The following LRMDA variants were observed in gnomAD, a reference collection of about 807,000 sequenced individuals.
The protein encoded by LRMDA is leucine-rich melanocyte differentiation-associated protein.
LRMDA carries 18 observed loss-of-function variants against 29.8 expected under a neutral mutation model. The ratio of observed to expected loss-of-function variants is 0.60; its 90% CI spans 0.42 to 0.90. The LOEUF is 0.90. Among genes scored for constraint, LRMDA ranks in the 40% least tolerant of loss-of-function variants. LRMDA has a pLI of 0.00. For synonymous variants in LRMDA, 125 were observed against 109.4 expected, an observed-to-expected ratio of 1.14 and a Z score of -0.89; for missense variants, 273 against 273.9, an observed-to-expected ratio of 1.00 and a Z score of 0.02.
intron 5 of LRMDA, among the ~76,000 whole-genome samples, chr10:76,209,821 G>A (rs1851604291): frequency 6.6e-6 from 1 of 152,156 alleles, no homozygotes; most frequent in African/African-American, 2.4e-5. Flanking sequence ...AGCACATGGG[G>A]ACACTATCCA....
chr10:76,299,315 C>T (rs1227386159), intron 5 of LRMDA, among the ~76,000 whole-genome samples: 2 of 152,270 alleles, frequency 1.3e-5, no homozygotes, highest in Admixed American at 6.5e-5. Flanking sequence ...CTTGGACTTC[C>T]AGAGGCTCTG....
At chr10:76,318,909 G>GT (rs575646440) in intron 5 of LRMDA, 1,516 of 149,544 alleles carry the variant, frequency 0.01, 15 homozygotes, top group Admixed American at 0.025. Context: ...ATGGTATGTA[G>GT]TTTTTTTTTT....
At chr10:76,191,345 G>A (rs7098505) in intron 5 of LRMDA, among the ~76,000 whole-genome samples, 9,698 of 152,110 alleles carry the variant, frequency 0.064, 962 homozygotes, top group African/African-American at 0.21. Flanking sequence ...TTCCTCTATA[G>A]CCCTGAGCTG....
chr10:75,756,108 G>T (rs1843029012), intron 2 of LRMDA, among the ~76,000 whole-genome samples: 1 of 152,132 alleles, frequency 6.6e-6, no homozygotes, highest in African/African-American at 2.4e-5. Context: ...ACTGATTTTT[G>T]TGCTGGGGCA....
At position 76,500,454 on chromosome 10, in the gene LRMDA, G is replaced by A. The variant is rs138276398; in HGVS notation, c.602-56755G>A. 9.8e-3 allele frequency among the ~76,000 whole-genome samples: 745 copies of A among 75,888 alleles called. 237 individuals are homozygous for A. In the South Asian group the frequency reaches 0.13, roughly 13 times the overall value. The allele number at this position is 75,888 out of a possible 152,430, so 49.8% of individuals were successfully genotyped here. A position where few individuals can be genotyped will look rare whatever the true frequency, so the allele number is the denominator to read the frequency against. The stretch of plus-strand genomic sequence containing the variant: ...TGTGGTTAATACATACTGCCCTCCA[G>A]CATATCTGTGATATTAAACATTTAG... On this transcript the variant is annotated intron_variant, in intron 6 of 6. Transcript: ENST00000611255.
chr10:76,289,632 G>A (rs1437573273), intron 5 of LRMDA, among the ~76,000 whole-genome samples: 1 of 152,130 alleles, frequency 6.6e-6, no homozygotes, highest in Non-Finnish European at 1.5e-5. Flanking sequence ...GCATTTTCAG[G>A]AATACATTTA....
intron 6 of LRMDA, among the ~76,000 whole-genome samples, chr10:76,542,013 A>G (rs893937567): frequency 6.6e-6 from 1 of 151,572 alleles, no homozygotes; most frequent in Non-Finnish European, 1.5e-5. Context: ...TCCTGCATGC[A>G]TGTGTGTGCA....
chr10:76,121,729 G>C (rs1360619970), intron 5 of LRMDA, among the ~76,000 whole-genome samples: 1 of 152,188 alleles, frequency 6.6e-6, no homozygotes. Context: ...CCTCCATGTG[G>C]AGTCAACATC....
At chr10:75,757,114 GGGAATT>G (rs1843041411) in intron 2 of LRMDA, among the ~76,000 whole-genome samples, 1 of 152,152 alleles carries the variant, frequency 6.6e-6, no homozygotes, top group Admixed American at 6.5e-5. Flanking sequence ...AGCCACAATG[GGGAATT>G]GGTTTCAAAG....
chr10:75,998,562 G>T (rs1268994259), intron 2 of LRMDA, among the ~76,000 whole-genome samples: 2 of 152,214 alleles, frequency 1.3e-5, no homozygotes, highest in African/African-American at 4.8e-5. Flanking sequence ...ATGTACTGTT[G>T]TAAGAACTTT....
Position 75,579,101 on chromosome 10 carries a change from A to G in LRMDA, c.131+140607A>G, listed in dbSNP as rs567342798. ...AGAACTGAAGGAGATAGAGACACGA[A>G]AAACCCTTCAAAAAAATCAATGAAT... is the stretch of plus-strand genomic sequence containing the variant. On this transcript the variant is annotated intron_variant, in intron 2 of 6. Transcript: ENST00000611255. 5.9e-5 allele frequency among the ~76,000 whole-genome samples: 9 copies of G among 152,324 alleles called. No individual in the cohort carries two copies. In the East Asian group the frequency reaches 1.7e-3, roughly 29 times the overall value.
chr10:75,964,525 G>A (rs1846822990), intron 2 of LRMDA, among the ~76,000 whole-genome samples: 1 of 152,182 alleles, frequency 6.6e-6, no homozygotes, highest in African/African-American at 2.4e-5. Flanking sequence ...TTTAAAATCT[G>A]TTCTTAGACT....
At chr10:76,080,862 C>T (rs781723547) in intron 5 of LRMDA, among the ~76,000 whole-genome samples, 13 of 152,258 alleles carry the variant, frequency 8.5e-5, no homozygotes, top group South Asian at 4.2e-4. Context: ...TCTCTTCCGA[C>T]GGCCTGTGGC....
chr10:76,459,679 AG>A (rs1454798749), intron 6 of LRMDA, among the ~76,000 whole-genome samples: 4 of 152,230 alleles, frequency 2.6e-5, no homozygotes, highest in African/African-American at 9.6e-5. Flanking sequence ...GATGAGCATC[AG>A]AGATGCGTGT....
chr10:76,014,144 A>ATTATATATAT, intron 2 of LRMDA, among the ~76,000 whole-genome samples: 1 of 120,958 alleles, frequency 8.3e-6, no homozygotes, highest in African/African-American at 3.4e-5. Flanking sequence ...ATATATATAT[A>ATTATATATAT]ATTATATATA....
In LRMDA at chr10:76,153,752, G is replaced by A. The variant is rs187839908; in HGVS notation, c.516+94969G>A. ...ACCAATGTCATTCCCTTCATTAGGGGTGCAGTCCTGGGATATAACCTTGGC... is the reference window on the plus strand; with the variant it reads ...ACCAATGTCATTCCCTTCATTAGGGATGCAGTCCTGGGATATAACCTTGGC... On this transcript the variant is annotated intron_variant, in intron 5 of 6. Coordinates refer to ENST00000611255, the MANE Select transcript of LRMDA (RefSeq NM_001305581.2). 2.1e-4 allele frequency among the ~76,000 whole-genome samples: 32 copies of A among 152,284 alleles called. 1 individual carries two copies. In the East Asian group the frequency reaches 5.8e-3, roughly 28 times the overall value.
chr10:75,718,937 C>T (rs971141307), intron 2 of LRMDA, among the ~76,000 whole-genome samples: 4 of 152,130 alleles, frequency 2.6e-5, no homozygotes, highest in Non-Finnish European at 5.9e-5. Flanking sequence ...TACTCCTATC[C>T]TGGGTCTTAG....
At chr10:75,761,224 AT>A (rs1443589364) in intron 2 of LRMDA, among the ~76,000 whole-genome samples, 1 of 152,242 alleles carries the variant, frequency 6.6e-6, no homozygotes, top group Admixed American at 6.5e-5. Context: ...TTGGACAGAT[AT>A]TTATACACCC....
At chr10:76,307,276 G>A (rs940037612) in intron 5 of LRMDA, among the ~76,000 whole-genome samples, 6 of 152,160 alleles carry the variant, frequency 3.9e-5, no homozygotes, top group Non-Finnish European at 5.9e-5. Flanking sequence ...GCAAGACCTC[G>A]TGGGGAGGGT....
Sources: allele counts gnomAD v4.1 joint callset (sites outside exome capture counted in the v4.1 genomes callset), GRCh38; gene constraint gnomAD v4.1.1; transcripts MANE v1.5; gene names NCBI Gene and HGNC (gene_info 2026-07-23, HGNC 2026-07-21).